Variants in CFAP299 observed in about 807,000 individuals in gnomAD.
The protein encoded by CFAP299 is cilia- and flagella-associated protein 299.
In CFAP299, 21 loss-of-function variants were observed where a neutral mutation model predicts 27.0. That is an observed-to-expected ratio of 0.78 (90% CI 0.55 to 1.12). The LOEUF (loss-of-function observed/expected upper bound fraction) is 1.12. Ranked by LOEUF, CFAP299 falls within the 50% of genes most tolerant of loss-of-function variation. The pLI is 0.00. For missense variants in CFAP299, 310 were observed against 276.6 expected, an observed-to-expected ratio of 1.12 and a Z score of -0.86; for synonymous variants, 104 against 98.1, an observed-to-expected ratio of 1.06 and a Z score of -0.36.
Position 80,870,065 on chromosome 4 carries a change from C to T in CFAP299, c.406C>T (p.Leu136=), listed in dbSNP as rs565372841. The T allele has an allele frequency of 3.3e-5, 54 of 1,613,644 alleles. No homozygotes were observed. The East Asian group carries it at 1.1e-3, about 33-fold the overall frequency. The part of the protein sequence containing the change: ...ISGYIDYAHR[L]KTEDFEVYFT... ...AGGATACATCGACTATGCCCACAGG[C>T]TAAAGACGGAAGATTTTGAAGTCTA... Residue 136 remains leucine, a synonymous_variant, in exon 4 of 6, where the codon CTA becomes TTA. Coordinates refer to ENST00000358105, the MANE Select transcript of CFAP299 (RefSeq NM_152770.3).
At chr4:80,641,622 T>C (rs1040602216) in intron 3 of CFAP299, among the ~76,000 whole-genome samples, 5 of 152,216 alleles carry the variant, frequency 3.3e-5, no homozygotes, top group African/African-American at 4.8e-5. Flanking sequence ...ATGCACAAAA[T>C]ATTATGTTAG....
At chr4:80,468,346 C>T (rs1010692304) in intron 2 of CFAP299, among the ~76,000 whole-genome samples, 1 of 151,696 alleles carries the variant, frequency 6.6e-6, no homozygotes, top group Non-Finnish European at 1.5e-5. Context: ...GCCTCAGCCT[C>T]CCGAGTAGCT....
intron 3 of CFAP299, among the ~76,000 whole-genome samples, chr4:80,862,365 A>G (rs1289114451): frequency 1.3e-5 from 2 of 152,104 alleles, no homozygotes; most frequent in Admixed American, 1.3e-4. Context: ...GCCAGACTCC[A>G]TCTCGAAAAA....
chr4:80,407,804 T>C lies in CFAP299; in HGVS notation c.242+44920T>C, dbSNP rs561280415. Among the ~76,000 whole-genome samples the C allele has an allele frequency of 5.3e-5, 8 of 152,330 alleles. No individual in the cohort carries two copies. The East Asian group carries it at 1.5e-3, about 29-fold the overall frequency. ...GTGAATTCTGTGTTCATTATCCTCT[T>C]ACTTTCCTTTTTATATAATTTATTG... On this transcript the variant is annotated intron_variant, in intron 2 of 5. Transcript: ENST00000358105.
intron 3 of CFAP299, among the ~76,000 whole-genome samples, chr4:80,831,427 A>T (rs1263374128): frequency 2.0e-5 from 3 of 152,018 alleles, no homozygotes; most frequent in Admixed American, 2.0e-4. Context: ...ATATGTGGAG[A>T]AGTATCTATA....
At chr4:80,856,233 C>A (rs797014236) in intron 3 of CFAP299, among the ~76,000 whole-genome samples, 1 of 148,370 alleles carries the variant, frequency 6.7e-6, no homozygotes, top group Non-Finnish European at 1.5e-5. Context: ...TCATGTCTTT[C>A]GCCCACTTTT....
intron 3 of CFAP299, among the ~76,000 whole-genome samples, chr4:80,812,407 T>C (rs1729202682): frequency 6.6e-6 from 1 of 152,026 alleles, no homozygotes; most frequent in East Asian, 1.9e-4. Context: ...CCCTCCCTTA[T>C]CCTAGGATTG....
intron 3 of CFAP299, among the ~76,000 whole-genome samples, chr4:80,780,850 A>T (rs1029377355): frequency 1.9e-4 from 29 of 152,050 alleles, no homozygotes; most frequent in Non-Finnish European, 3.4e-4. Flanking sequence ...ACAAAAATCC[A>T]TAGAAGGATG....
intron 3 of CFAP299, among the ~76,000 whole-genome samples, chr4:80,666,948 G>T (rs1464344846): frequency 2.0e-5 from 3 of 152,110 alleles, no homozygotes; most frequent in Non-Finnish European, 4.4e-5. Flanking sequence ...TTTTCTTCAG[G>T]CTACATAGCA....
At chr4:80,491,377 CT>C (rs1731124851) in intron 2 of CFAP299, among the ~76,000 whole-genome samples, 2 of 151,592 alleles carry the variant, frequency 1.3e-5, no homozygotes, top group Admixed American at 6.6e-5. Context: ...TTTTTTCAGG[CT>C]TTTAAAAAAA....
chr4:80,835,073 A>C (rs1159009923), intron 3 of CFAP299, among the ~76,000 whole-genome samples: 1 of 152,110 alleles, frequency 6.6e-6, no homozygotes, highest in Non-Finnish European at 1.5e-5. Flanking sequence ...AGTTCTGAGA[A>C]TGTCACTTTC....
intron 3 of CFAP299, among the ~76,000 whole-genome samples, chr4:80,757,411 G>A (rs964928896): frequency 6.6e-6 from 1 of 151,988 alleles, no homozygotes; most frequent in African/African-American, 2.4e-5. Flanking sequence ...GAAATTAGAG[G>A]ACAAATGTTT....
chr4:80,604,493 A>G (rs1199703995), intron 3 of CFAP299, among the ~76,000 whole-genome samples: 1 of 152,186 alleles, frequency 6.6e-6, no homozygotes, highest in Non-Finnish European at 1.5e-5. Flanking sequence ...CTGACAATTG[A>G]AACTCAAGAG....
At chr4:80,362,021 TG>T (rs2109997666) in intron 1 of CFAP299, among the ~76,000 whole-genome samples, 1 of 152,116 alleles carries the variant, frequency 6.6e-6, no homozygotes, top group East Asian at 1.9e-4. Context: ...TGTCAAATCA[TG>T]GGGAAACAAT....
chr4:80,748,638 C>A (rs1277358923), intron 3 of CFAP299, among the ~76,000 whole-genome samples: 1 of 152,108 alleles, frequency 6.6e-6, no homozygotes, highest in African/African-American at 2.4e-5. Context: ...GGAATATCAC[C>A]TTTTTAGTTA....
chr4:80,365,987 C>A (rs1251636909), intron 2 of CFAP299, among the ~76,000 whole-genome samples: 1 of 152,144 alleles, frequency 6.6e-6, no homozygotes, highest in Non-Finnish European at 1.5e-5. Flanking sequence ...AATTTGAAGG[C>A]CCTTTCATCT....
intron 3 of CFAP299, among the ~76,000 whole-genome samples, chr4:80,795,830 A>G (rs1560414300): frequency 6.6e-6 from 1 of 152,112 alleles, no homozygotes; most frequent in African/African-American, 2.4e-5. Context: ...ACAGACCAAG[A>G]TCTGTCTCTC....
At chr4:80,881,369 A>C (rs1733696085) in intron 4 of CFAP299, among the ~76,000 whole-genome samples, 1 of 152,258 alleles carries the variant, frequency 6.6e-6, no homozygotes, top group Non-Finnish European at 1.5e-5. Context: ...ATCTTGCATC[A>C]TAACAAGCAC....
At chr4:80,799,333 ATAT>A (rs1728106564) in intron 3 of CFAP299, among the ~76,000 whole-genome samples, 2 of 96,084 alleles carry the variant, frequency 2.1e-5, no homozygotes, top group African/African-American at 9.1e-5. Flanking sequence ...TATTTATATA[ATAT>A]TTATATATAT....
Sources: allele counts gnomAD v4.1 joint callset (sites outside exome capture counted in the v4.1 genomes callset), GRCh38; gene constraint gnomAD v4.1.1; transcripts MANE v1.5; gene names NCBI Gene and HGNC (gene_info 2026-07-23, HGNC 2026-07-21).